PCDHA6: variants seen among roughly 807,000 people sequenced by gnomAD.
The protein encoded by PCDHA6 is protocadherin alpha-6.
A neutral mutation model predicts 60.3 loss-of-function variants in PCDHA6; 55 were observed. That is an observed-to-expected ratio of 0.91 (90% CI 0.73 to 1.14). The LOEUF (loss-of-function observed/expected upper bound fraction) is 1.14, where lower values mean the gene tolerates loss of function less well. Among genes scored for constraint, PCDHA6 ranks in the 50% most tolerant of loss-of-function variants. The pLI, the probability that PCDHA6 is intolerant of heterozygous loss-of-function variation, is 0.00. For synonymous variants in PCDHA6, 652 were observed against 557.9 expected, an observed-to-expected ratio of 1.17 and a Z score of -2.38; for missense variants, 1,327 against 1,256.5, an observed-to-expected ratio of 1.06 and a Z score of -0.85.
intron 1 of PCDHA6, among the ~76,000 whole-genome samples, chr5:140,896,002 G>A (rs1485647299): frequency 1.3e-5 from 2 of 152,082 alleles, no homozygotes; most frequent in Non-Finnish European, 2.9e-5. Flanking sequence ...GTAGAGACAG[G>A]GTTTCTCCAT....
chr5:140,928,450 G>C, intron 1 of PCDHA6: 2 of 1,614,146 alleles, frequency 1.2e-6, no homozygotes, highest in Non-Finnish European at 8.5e-7. Flanking sequence ...GCAGCTCAGG[G>C]GGTTTCATTT....
intron 1 of PCDHA6, among the ~76,000 whole-genome samples, chr5:140,924,894 C>CAAAAAAA (rs782133089): frequency 2.8e-5 from 2 of 71,470 alleles, no homozygotes; most frequent in African/African-American, 8.5e-5. Flanking sequence ...GAACCTGTCT[C>CAAAAAAA]AAAAAAAAAA....
intron 1 of PCDHA6, among the ~76,000 whole-genome samples, chr5:140,900,355 G>A (rs555553636): frequency 1.4e-4 from 21 of 152,070 alleles, no homozygotes; most frequent in East Asian, 3.9e-4. Flanking sequence ...TTGGCTCACC[G>A]CAACCTCTGC....
intron 1 of PCDHA6, among the ~76,000 whole-genome samples, chr5:140,962,940 A>G (rs1441801947): frequency 1.3e-5 from 2 of 152,186 alleles, no homozygotes; most frequent in African/African-American, 4.8e-5. Context: ...CCTCCTCTCC[A>G]TAAGATATGC....
At chr5:140,892,885 ACCAACCTTTCC>A (rs1269753589) in intron 1 of PCDHA6, among the ~76,000 whole-genome samples, 1 of 152,154 alleles carries the variant, frequency 6.6e-6, no homozygotes, top group Non-Finnish European at 1.5e-5. Flanking sequence ...GTATCCATTA[ACCAACCTTTCC>A]CCATCCTCCT....
At chr5:140,882,113 G>C in intron 1 of PCDHA6, 1 of 1,394,318 alleles carries the variant, frequency 7.2e-7, no homozygotes, top group South Asian at 1.5e-5. Context: ...GAAGAAAGCC[G>C]CCGTTTCTTT....
Position 140,858,553 on chromosome 5 carries a change from G to A in PCDHA6, c.2394+28068G>A, listed in dbSNP as rs782150802. 10 of 1,392,490 alleles carry A rather than the reference G, an allele frequency of 7.2e-6. 2 individuals are homozygous for A. In the South Asian group the frequency reaches 1.1e-4, roughly 16 times the overall value. The allele number at this position is 1,392,490 out of a possible 1,614,324, so 86.3% of individuals were successfully genotyped here. ...TTTTGTCTACATTCCATTTATGCTT[G>A]AATATTTCTAGTGATACCTTTGTAA... On this transcript the variant is annotated intron_variant, in intron 1 of 3. Coordinates refer to ENST00000529310, the MANE Select transcript of PCDHA6 (RefSeq NM_018909.4).
At position 140,850,061 on chromosome 5, in the gene PCDHA6, G is replaced by T. The variant is rs2150465496; in HGVS notation, c.2394+19576G>T. 7 of 1,596,546 alleles carry T rather than the reference G, an allele frequency of 4.4e-6. No individual in the cohort carries two copies. In the South Asian group the frequency reaches 6.6e-5, roughly 15 times the overall value. ...GCGGCAAGGTGTACGCGCTGCAGCCGTTGGACCACGAGGAGCTGGAGCTGC... is the reference window on the plus strand; with the variant it reads ...GCGGCAAGGTGTACGCGCTGCAGCCTTTGGACCACGAGGAGCTGGAGCTGC... On this transcript the variant is annotated intron_variant, in intron 1 of 3. Transcript: ENST00000529310.
At chr5:140,993,406 T>C (rs1382987714) in intron 3 of PCDHA6, among the ~76,000 whole-genome samples, 2 of 150,998 alleles carry the variant, frequency 1.3e-5, no homozygotes, top group South Asian at 4.2e-4. Flanking sequence ...TTAACCACCT[T>C]CATCAGCATT....
intron 1 of PCDHA6, chr5:140,842,822 G>A (rs2150345251): frequency 1.9e-6 from 3 of 1,593,810 alleles, no homozygotes; most frequent in South Asian, 2.2e-5. Context: ...GCGGGTGGGC[G>A]AGCGCTCGCT....
intron 1 of PCDHA6, chr5:140,842,895 A>C: frequency 6.3e-7 from 1 of 1,594,156 alleles, no homozygotes; most frequent in East Asian, 2.2e-5. Flanking sequence ...CCGCTGGACC[A>C]CGAGGAGCTA....
At chr5:140,999,426 A>G (rs1456581917) in intron 3 of PCDHA6, among the ~76,000 whole-genome samples, 2 of 152,204 alleles carry the variant, frequency 1.3e-5, no homozygotes, top group Middle Eastern at 3.2e-3. Context: ...TAAGAGGCCA[A>G]GTACCTTGCC....
chr5:140,837,423 A>T (rs1278858635), intron 1 of PCDHA6, among the ~76,000 whole-genome samples: 3 of 151,962 alleles, frequency 2.0e-5, no homozygotes, highest in African/African-American at 7.3e-5. Flanking sequence ...TCAAAATTTC[A>T]AAGAGTGAAA....
Position 140,932,248 on chromosome 5 carries a change from T to C in PCDHA6, c.2395-46701T>C, listed in dbSNP as rs1424091954. Among the ~76,000 whole-genome samples the C allele has an allele frequency of 2.6e-5, 4 of 152,016 alleles. No individual in the cohort carries two copies. In the East Asian group the frequency reaches 7.7e-4, roughly 29 times the overall value. On this transcript the variant is annotated intron_variant, in intron 1 of 3. Coordinates refer to ENST00000529310, the MANE Select transcript of PCDHA6 (RefSeq NM_018909.4). ...TTTTTTAGAATGGTATCTAAGAGGG[T>C]ACCTCTGAGATATAAATTTCTACTT... is the stretch of plus-strand genomic sequence containing the variant.
In PCDHA6 at chr5:140,855,922, T is replaced by C. The variant is rs2043674213; in HGVS notation, c.2394+25437T>C. ...AGCCAGTTTCTCAAGGACTAGGAAG[T>C]AGCGTCATTCTGAGATCTCAGCCAT... On this transcript the variant is annotated intron_variant, in intron 1 of 3. Transcript: ENST00000529310. The C allele has an allele frequency of 3.3e-6, 4 of 1,227,726 alleles. No homozygotes were observed. In the Admixed American group the frequency reaches 1.0e-4, roughly 31 times the overall value. The allele number at this position is 1,227,726 out of a possible 1,614,324, so 76.1% of individuals were successfully genotyped here.
intron 1 of PCDHA6, among the ~76,000 whole-genome samples, chr5:140,888,521 C>A (rs191011552): frequency 1.3e-5 from 2 of 152,142 alleles, no homozygotes; most frequent in African/African-American, 2.4e-5. Context: ...TTAGTTCTGA[C>A]GTGAAGTTAA....
rs1430137096 is a variant in PCDHA6, at chr5:140,871,495, G to A, written c.2394+41010G>A. On this transcript the variant is annotated intron_variant, in intron 1 of 3. Transcript: ENST00000529310. ...GCCAGGGTCAAATCACCCCGGACAG[G>A]TGAGTTTTCTACAGATTCCACCTAT... 5 of 1,588,092 alleles carry A rather than the reference G, an allele frequency of 3.1e-6. No homozygotes were observed. The African/African-American group carries it at 6.7e-5, about 21-fold the overall frequency.
chr5:141,002,039 C>G (rs1198304632), intron 3 of PCDHA6, among the ~76,000 whole-genome samples: 1 of 152,216 alleles, frequency 6.6e-6, no homozygotes, highest in Non-Finnish European at 1.5e-5. Flanking sequence ...TGACTCTTTC[C>G]TGGGCATCCA....
At chr5:140,926,575 C>T in intron 1 of PCDHA6, 1 of 273,448 alleles carries the variant, frequency 3.7e-6, no homozygotes, top group Non-Finnish European at 6.8e-6. Flanking sequence ...CTGGAGACAG[C>T]ACCTCTCGCG....
Sources: gnomAD v4.1 joint callset for allele counts (sites outside exome capture counted in the v4.1 genomes callset) on GRCh38, gnomAD v4.1.1 for gene constraint, MANE v1.5 for transcripts, NCBI Gene and HGNC (gene_info 2026-07-23, HGNC 2026-07-21) for gene names.